SYNPR: variants seen among roughly 807,000 people sequenced by gnomAD.
The protein encoded by SYNPR is synaptoporin.
In SYNPR, 23 loss-of-function variants were observed where a neutral mutation model predicts 32.9. That is an observed-to-expected ratio of 0.70 (90% CI 0.50 to 0.99). The LOEUF (loss-of-function observed/expected upper bound fraction) is 0.99, where lower values mean the gene tolerates loss of function less well. SYNPR is among the 50% of genes least tolerant of loss of function. The pLI, the probability that SYNPR is intolerant of heterozygous loss-of-function variation, is 0.00. For synonymous variants in SYNPR, 146 were observed against 135.9 expected (o/e 1.07, Z -0.52); for missense variants, 318 against 349.3 (o/e 0.91, Z 0.71).
At chr3:63,225,781 G>T (rs1399241839), upstream of SYNPR, among the ~76,000 whole-genome samples, 2 of 152,048 alleles carry the variant, frequency 1.3e-5, no homozygotes, top group Non-Finnish European at 1.5e-5. Flanking sequence ...AAGCATAGAC[G>T]ATTAAAGCAC....
chr3:63,262,501 G>A (rs1029242146), intron 2 of SYNPR, among the ~76,000 whole-genome samples: 2 of 152,138 alleles, frequency 1.3e-5, no homozygotes, highest in Non-Finnish European at 2.9e-5. Context: ...CTTCTAGACT[G>A]TGATACTGTA....
At chr3:63,259,121 A>C (rs2086415404) in intron 2 of SYNPR, among the ~76,000 whole-genome samples, 1 of 152,196 alleles carries the variant, frequency 6.6e-6, no homozygotes, top group Non-Finnish European at 1.5e-5. Context: ...AGATGGATTC[A>C]CAGCTGAATT....
chr3:63,405,827 T>C (rs2088352453), intron 2 of SYNPR, among the ~76,000 whole-genome samples: 1 of 152,186 alleles, frequency 6.6e-6, no homozygotes, highest in Non-Finnish European at 1.5e-5. Context: ...CTTGTTTGAA[T>C]GCTGTGTTAC....
chr3:63,525,046 A>C (rs1474667649), intron 3 of SYNPR, among the ~76,000 whole-genome samples: 1 of 152,118 alleles, frequency 6.6e-6, no homozygotes, highest in Non-Finnish European at 1.5e-5. Flanking sequence ...AGATAGCACC[A>C]CTAAATGCAC....
intron 2 of SYNPR, among the ~76,000 whole-genome samples, chr3:63,456,515 T>TA (rs1700485540): frequency 6.6e-6 from 1 of 152,080 alleles, no homozygotes; most frequent in African/African-American, 2.4e-5. Flanking sequence ...CTATGTTAAA[T>TA]AAATTTAATC....
At chr3:63,325,496 C>T (rs150458207) in intron 2 of SYNPR, among the ~76,000 whole-genome samples, 1 of 152,184 alleles carries the variant, frequency 6.6e-6, no homozygotes, top group African/African-American at 2.4e-5. Context: ...CCCTTTCTAC[C>T]CAGGAAAGAT....
intron 2 of SYNPR, among the ~76,000 whole-genome samples, chr3:63,331,486 A>G (rs758830547): frequency 1.6e-4 from 25 of 152,214 alleles, no homozygotes; most frequent in Non-Finnish European, 3.2e-4. Flanking sequence ...TCCTCTAATA[A>G]TAACAAAAGG....
chr3:63,460,572 C>CA (rs11390803), intron 2 of SYNPR, among the ~76,000 whole-genome samples: 10,094 of 44,838 alleles, frequency 0.23, 1,057 homozygotes, highest in East Asian at 0.27. Flanking sequence ...ATTGGTAGAC[C>CA]AAAAAAAAAA....
intron 3 of SYNPR, among the ~76,000 whole-genome samples, chr3:63,515,187 C>T (rs1701772131): frequency 1.3e-5 from 2 of 151,972 alleles, no homozygotes; most frequent in Admixed American, 1.3e-4. Context: ...ATGCTTTTTG[C>T]TTTCAGCCTT....
At chr3:63,331,046 G>A (rs2087224233) in intron 2 of SYNPR, among the ~76,000 whole-genome samples, 1 of 152,146 alleles carries the variant, frequency 6.6e-6, no homozygotes, top group African/African-American at 2.4e-5. Context: ...TCATTGTAAG[G>A]AAGGTATTGG....
chr3:63,521,470 T>C (rs1472973276), intron 3 of SYNPR, among the ~76,000 whole-genome samples: 1 of 152,212 alleles, frequency 6.6e-6, no homozygotes, highest in African/African-American at 2.4e-5. Flanking sequence ...TTACAAATAT[T>C]AAGTCAGGGA....
chr3:63,210,063 A>G, the SYNPR span, among the ~76,000 whole-genome samples: 1 of 152,196 alleles, frequency 6.6e-6, no homozygotes, highest in Non-Finnish European at 1.5e-5. Flanking sequence ...TTACTAAGAG[A>G]ACAGTCAAGT....
At chr3:63,529,484 C>A (rs1199789762) in intron 3 of SYNPR, among the ~76,000 whole-genome samples, 2 of 152,076 alleles carry the variant, frequency 1.3e-5, no homozygotes, top group African/African-American at 2.4e-5. Context: ...TTTGTTGGAA[C>A]TAAATGAAAT....
chr3:63,422,580 AG>A (rs1401970013), intron 2 of SYNPR, among the ~76,000 whole-genome samples: 1 of 152,210 alleles, frequency 6.6e-6, no homozygotes, highest in Non-Finnish European at 1.5e-5. Context: ...GTTATACATC[AG>A]TTATGCCTCA....
chr3:63,316,202 G>T (rs1364419037), intron 2 of SYNPR, among the ~76,000 whole-genome samples: 1 of 151,584 alleles, frequency 6.6e-6, no homozygotes, highest in Non-Finnish European at 1.5e-5. Flanking sequence ...TTTCTTTTTT[G>T]GTTATGCCCT....
intron 4 of SYNPR, among the ~76,000 whole-genome samples, chr3:63,564,495 G>A (rs1702749706): frequency 1.3e-5 from 2 of 149,826 alleles, no homozygotes; most frequent in Admixed American, 6.6e-5. Flanking sequence ...GTGCCCAGCC[G>A]GTGTGTGTGT....
intron 2 of SYNPR, among the ~76,000 whole-genome samples, chr3:63,282,505 G>A (rs1283689086): frequency 1.3e-5 from 2 of 152,008 alleles, no homozygotes. Context: ...AAAATAATGT[G>A]AGATTGTAAA....
At chr3:63,232,312 G>A (rs997822805) in intron 1 of SYNPR, among the ~76,000 whole-genome samples, 6 of 141,962 alleles carry the variant, frequency 4.2e-5, no homozygotes, top group South Asian at 4.5e-4. Context: ...AATGATTCTC[G>A]TGCCTCAGCC....
intron 2 of SYNPR, among the ~76,000 whole-genome samples, chr3:63,431,971 C>G (rs1482838833): frequency 6.6e-6 from 1 of 152,008 alleles, no homozygotes; most frequent in East Asian, 1.9e-4. Context: ...TGTCTGTAGG[C>G]CAGTTCTCTC....
Sources: allele counts gnomAD v4.1 joint callset (sites outside exome capture counted in the v4.1 genomes callset), GRCh38; gene constraint gnomAD v4.1.1; transcripts MANE v1.5; gene names NCBI Gene and HGNC (gene_info 2026-07-23, HGNC 2026-07-21).